ANK2: variants seen among roughly 807,000 people sequenced by gnomAD.
The protein encoded by ANK2 is ankyrin 2.
In ANK2, 83 loss-of-function variants were observed where a neutral mutation model predicts 360.5. The observed-to-expected ratio is 0.23, with a 90% CI of 0.19 to 0.28. The LOEUF is 0.28. Among genes scored for constraint, ANK2 ranks in the 10% least tolerant of loss-of-function variants. The pLI is 1.00. For synonymous variants in ANK2, 1,740 were observed against 1,759.5 expected (o/e 0.99, Z 0.28); for missense variants, 4,201 against 4,795.7 (o/e 0.88, Z 3.66).
At chr4:112,758,841 C>T in the ANK2 span, among the ~76,000 whole-genome samples, 4 of 152,082 alleles carry the variant, frequency 2.6e-5, no homozygotes, top group African/African-American at 9.7e-5. Flanking sequence ...TTTCCTTGCC[C>T]CAGTTAGTGA....
rs146261470 is a variant in ANK2, at chr4:113,341,743, G to C, written c.3949G>C (p.Val1317Leu). The part of the protein sequence containing the change: ...IQESVTFASQ[V>L]YREIICVPYM... ...GGAATCCGTTACTTTTGCATCACAA[G>C]TATACAGAGAAATTATCTGCGTACC... The change falls in exon 33 of 46, where the codon GTA becomes CTA. Residue 1317 changes from valine (V) to leucine (L), a missense_variant. Physicochemically the swap from Val to Leu is conservative, Grantham distance 32. Coordinates refer to ENST00000357077, the MANE Select transcript of ANK2 (RefSeq NM_001148.6). The C allele has an allele frequency of 6.2e-7, 1 of 1,614,134 alleles. No homozygotes were observed. Among genetic ancestry groups the C allele is most frequent in the Admixed American group, 1.7e-5 (1 of 60,026 alleles).
intron 2 of ANK2, among the ~76,000 whole-genome samples, chr4:113,190,406 G>C (rs550572412): frequency 8.6e-5 from 13 of 151,986 alleles, no homozygotes; most frequent in Admixed American, 7.9e-4. Context: ...CACTGTGCCT[G>C]CCTAGAATTC....
chr4:112,850,356 T>TCCATCCAC (rs1176494692), intron 1 of ANK2, among the ~76,000 whole-genome samples: 2 of 149,322 alleles, frequency 1.3e-5, no homozygotes, highest in South Asian at 2.2e-4. Context: ...CATCCATCCA[T>TCCATCCAC]CCACCCATTC....
In ANK2 at chr4:113,249,621, GTTAT is replaced by G; in HGVS notation, c.892-139_892-136del. The G allele has an allele frequency of 5.3e-6, 4 of 754,842 alleles. No homozygotes were observed. The South Asian group carries it at 6.1e-5, about 11-fold the overall frequency. 46.8% of individuals were successfully genotyped at this position (754,842 alleles called of 1,614,324 possible). A position where few individuals can be genotyped will look rare whatever the true frequency, so the allele number is the denominator to read the frequency against. On this transcript the variant is annotated intron_variant, in intron 9 of 45. Transcript: ENST00000357077. ...GTTTTCTCTTTCACTCATCTTTCTG[GTTAT>G]TTAACAAATTGCAGTTCTATTACTT...
chr4:112,851,251 T>A (rs2064914705), intron 1 of ANK2, among the ~76,000 whole-genome samples: 1 of 152,204 alleles, frequency 6.6e-6, no homozygotes, highest in African/African-American at 2.4e-5. Flanking sequence ...GCACCCCTTG[T>A]TAATAATTGC....
At chr4:112,992,116 C>A (rs115148989) in intron 2 of ANK2, among the ~76,000 whole-genome samples, 2 of 151,862 alleles carry the variant, frequency 1.3e-5, no homozygotes, top group Non-Finnish European at 2.9e-5. Context: ...TAGCTTCTAC[C>A]CATTCATTAC....
intron 4 of ANK2, among the ~76,000 whole-genome samples, chr4:113,215,205 G>C (rs2099072316): frequency 6.6e-6 from 1 of 152,132 alleles, no homozygotes; most frequent in African/African-American, 2.4e-5. Flanking sequence ...TTCTGAACAG[G>C]AGAGGAAAGG....
chr4:113,337,887 A>G (rs1376912773), intron 31 of ANK2, among the ~76,000 whole-genome samples: 1 of 152,152 alleles, frequency 6.6e-6, no homozygotes, highest in African/African-American at 2.4e-5. Context: ...AATGTCATGG[A>G]TGTGAAATAG....
At chr4:113,296,676 A>G (rs2071641668) in intron 22 of ANK2, among the ~76,000 whole-genome samples, 1 of 152,222 alleles carries the variant, frequency 6.6e-6, no homozygotes, top group South Asian at 2.1e-4. Flanking sequence ...TTTGTGAGAT[A>G]CAGCAGGGAA....
chr4:112,960,921 G>T (rs1198294127), intron 2 of ANK2, among the ~76,000 whole-genome samples: 1 of 152,008 alleles, frequency 6.6e-6, no homozygotes, highest in East Asian at 1.9e-4. Flanking sequence ...TTTTCATAAG[G>T]CTTGAATCAG....
intron 1 of ANK2, among the ~76,000 whole-genome samples, chr4:113,139,981 A>T (rs1166159491): frequency 6.6e-6 from 1 of 152,244 alleles, no homozygotes; most frequent in Non-Finnish European, 1.5e-5. Flanking sequence ...AATTAGAAAA[A>T]TTATGCCACA....
At chr4:113,251,270 C>A (rs1191164905) in intron 10 of ANK2, among the ~76,000 whole-genome samples, 1 of 152,006 alleles carries the variant, frequency 6.6e-6, no homozygotes, top group Non-Finnish European at 1.5e-5. Flanking sequence ...ATGAAGATGG[C>A]AGGTTACCTG....
intron 8 of ANK2, among the ~76,000 whole-genome samples, chr4:113,241,864 C>A (rs886250679): frequency 1.3e-5 from 2 of 152,132 alleles, no homozygotes; most frequent in Non-Finnish European, 1.5e-5. Context: ...CTTGTACATT[C>A]AATACATATT....
At position 113,246,923 on chromosome 4, in the gene ANK2, G is replaced by A. The variant is rs563359677; in HGVS notation, c.892-2841G>A. Among the ~76,000 whole-genome samples the A allele has an allele frequency of 1.8e-4, 28 of 152,288 alleles. No homozygotes were observed. In the South Asian group the frequency reaches 5.6e-3, roughly 30 times the overall value. On this transcript the variant is annotated intron_variant, in intron 9 of 45. Transcript: ENST00000357077. The stretch of plus-strand genomic sequence containing the variant: ...CTACCAAAGGGAGAAATTAGTTTCA[G>A]CAGAATTATGTAACTTGACCTAGGA...
chr4:113,022,448 TAG>T (rs2058379429), intron 2 of ANK2, among the ~76,000 whole-genome samples: 1 of 152,124 alleles, frequency 6.6e-6, no homozygotes, highest in Non-Finnish European at 1.5e-5. Context: ...TAGAATGGTT[TAG>T]AGATTTATCC....
intron 25 of ANK2, 77 bp downstream of exon 25, chr4:113,317,886 G>GA (rs1008267808): frequency 8.7e-6 from 11 of 1,264,164 alleles, no homozygotes; most frequent in Admixed American, 7.7e-5. Context: ...AATGTCCTGA[G>GA]AAAGTTTTTA....
the ANK2 span, among the ~76,000 whole-genome samples, chr4:112,706,421 C>G: frequency 6.6e-6 from 1 of 152,102 alleles, no homozygotes; most frequent in African/African-American, 2.4e-5. Flanking sequence ...CAGACACACA[C>G]GCAGATAGCC....
intron 1 of ANK2, among the ~76,000 whole-genome samples, chr4:113,093,430 C>T (rs538550664): frequency 1.1e-4 from 16 of 152,114 alleles, no homozygotes; most frequent in African/African-American, 3.6e-4. Flanking sequence ...GGTGTAATCT[C>T]GCCTCACTGC....
chr4:113,231,001 A>G (rs2099289514), intron 4 of ANK2, among the ~76,000 whole-genome samples: 1 of 151,924 alleles, frequency 6.6e-6, no homozygotes, highest in Non-Finnish European at 1.5e-5. Flanking sequence ...CATATAAACC[A>G]TGCTGCCTCA....
Sources: gnomAD v4.1 joint callset for allele counts (sites outside exome capture counted in the v4.1 genomes callset) on GRCh38, gnomAD v4.1.1 for gene constraint, MANE v1.5 for transcripts, NCBI Gene and HGNC (gene_info 2026-07-23, HGNC 2026-07-21) for gene names.